The following FREM3 variants were observed in gnomAD, a reference collection of about 807,000 sequenced individuals.
FREM3 encodes FRAS1 related extracellular matrix 3, also known as FRAS1-related extracellular matrix protein 3.
Under a neutral mutation model 129.1 loss-of-function variants are expected in FREM3, and 105 were observed. That is an observed-to-expected ratio of 0.81 (90% CI 0.69 to 0.96). The LOEUF (loss-of-function observed/expected upper bound fraction) is 0.96. FREM3 is among the 40% of genes least tolerant of loss of function. FREM3 has a pLI of 0.00. For synonymous variants in FREM3, 1,014 were observed against 1,044.9 expected (o/e 0.97, Z 0.57); for missense variants, 2,593 against 2,666.3 (o/e 0.97, Z 0.61).
In FREM3 at chr4:143,700,340, C is replaced by T. The variant is rs1740673814; in HGVS notation, c.336G>A (p.Pro112=). 2 of 1,534,536 alleles carry T rather than the reference C, an allele frequency of 1.3e-6. No homozygotes were observed. Among genetic ancestry groups the T allele is most frequent in the South Asian group, 1.2e-5 (1 of 83,928 alleles). ...ALPRLKGALS[P]RRFPCTFGPR... ...GCCCGAAGGTGCAGGGGAAGCGGCG[C>T]GGGGAGAGCGCGCCCTTGAGCCGCG... Residue 112 remains proline, a synonymous_variant, in exon 1 of 8, where the codon CCG becomes CCA. Coordinates refer to ENST00000329798, the MANE Select transcript of FREM3 (RefSeq NM_001168235.2).
chr4:143,625,009 T>C (rs1052229202), intron 3 of FREM3, among the ~76,000 whole-genome samples: 2 of 152,178 alleles, frequency 1.3e-5, no homozygotes, highest in South Asian at 2.1e-4. Flanking sequence ...TTGGTGAAAA[T>C]GGAGAGAGGC....
At chr4:143,586,157 A>G (rs1348407090) in intron 6 of FREM3, among the ~76,000 whole-genome samples, 164 bp from the exon 7 acceptor site, 1 of 152,214 alleles carries the variant, frequency 6.6e-6, no homozygotes, top group Non-Finnish European at 1.5e-5. Flanking sequence ...ACAAAAACAC[A>G]CAAAAAGCCA....
At chr4:143,680,383 C>A (rs1042764809) in intron 2 of FREM3, among the ~76,000 whole-genome samples, 2 of 151,808 alleles carry the variant, frequency 1.3e-5, no homozygotes, top group Non-Finnish European at 2.9e-5. Context: ...GAACCTTTTC[C>A]AATATAAACA....
chr4:143,590,952 C>T (rs1395594854), intron 6 of FREM3, among the ~76,000 whole-genome samples: 5 of 152,128 alleles, frequency 3.3e-5, no homozygotes. Context: ...CAACTTCTTC[C>T]TGGTTTAGTC....
In FREM3 at chr4:143,677,498, C is replaced by T. The variant is rs555655252; in HGVS notation, c.5275+15615G>A. Among the ~76,000 whole-genome samples, 6 of 152,308 alleles carry T rather than the reference C, an allele frequency of 3.9e-5. No individual in the cohort carries two copies. In the East Asian group the frequency reaches 1.2e-3, roughly 29 times the overall value. On this transcript the variant is annotated intron_variant, in intron 2 of 7. Transcript: ENST00000329798. Reference sequence around the variant, plus strand: ...ATAGGCATGGGCAAGGACTTCATGTCTGAAACACCAAAAGCAATGGCAACA... The same window carrying T: ...ATAGGCATGGGCAAGGACTTCATGTTTGAAACACCAAAAGCAATGGCAACA...
chr4:143,663,244 G>A lies in FREM3; in HGVS notation c.5275+29869C>T, dbSNP rs566068961. On this transcript the variant is annotated intron_variant, in intron 2 of 7. Coordinates refer to ENST00000329798, the MANE Select transcript of FREM3 (RefSeq NM_001168235.2). ...TACCGGTTGTTCCTTTCCATGTTTA[G>A]TGCTTCCTTCAGGAGCTCTTTTAGG... Among the ~76,000 whole-genome samples the A allele has an allele frequency of 7.2e-5, 11 of 152,130 alleles. No homozygotes were observed. In the South Asian group the frequency reaches 2.3e-3, roughly 32 times the overall value.
chr4:143,646,410 C>G (rs1739416536), intron 2 of FREM3, among the ~76,000 whole-genome samples: 1 of 151,992 alleles, frequency 6.6e-6, no homozygotes, highest in Non-Finnish European at 1.5e-5. Context: ...TGATTTGGTT[C>G]TGTGTCCCCA....
chr4:143,679,865 GCTGATT>G (rs1327979876), intron 2 of FREM3, among the ~76,000 whole-genome samples: 3 of 152,148 alleles, frequency 2.0e-5, no homozygotes, highest in African/African-American at 7.2e-5. Flanking sequence ...AAATCCAATT[GCTGATT>G]CCTTCCTGCC....
chr4:143,650,497 C>T (rs997620807), intron 2 of FREM3, among the ~76,000 whole-genome samples: 1 of 152,172 alleles, frequency 6.6e-6, no homozygotes, highest in Non-Finnish European at 1.5e-5. Context: ...TACTTACTTA[C>T]TTACTTATTT....
intron 4 of FREM3, among the ~76,000 whole-genome samples, chr4:143,622,863 T>G (rs1432685544): frequency 6.6e-6 from 1 of 152,212 alleles, no homozygotes; most frequent in Non-Finnish European, 1.5e-5. Flanking sequence ...CTTCATTACT[T>G]GGGACCATGA....
intron 2 of FREM3, among the ~76,000 whole-genome samples, chr4:143,650,328 G>C (rs1739488635): frequency 6.6e-6 from 1 of 152,190 alleles, no homozygotes; most frequent in Admixed American, 6.5e-5. Context: ...GATATTAAAA[G>C]CCGGATGCTA....
At chr4:143,694,918 C>T (rs1486852103) in intron 1 of FREM3, among the ~76,000 whole-genome samples, 1 of 152,138 alleles carries the variant, frequency 6.6e-6, no homozygotes, top group African/African-American at 2.4e-5. Flanking sequence ...ATCACATCAC[C>T]TGGGAAAGTA....
rs918703825 is a variant in FREM3 at position 143,695,626 on chromosome 4, T to C, written c.5050A>G (p.Thr1684Ala). The C allele has an allele frequency of 2.0e-5, 30 of 1,537,190 alleles. No individual in the cohort carries two copies. Among genetic ancestry groups the C allele is most frequent in the Non-Finnish European group, 2.5e-5 (29 of 1,146,930 alleles). Reference sequence around the variant, plus strand: ...TCTTCTGCCTTCAGAGACTTGCTGGTAATCAGGAAGCCCATGTGTCCAGTG... The same window carrying C: ...TCTTCTGCCTTCAGAGACTTGCTGGCAATCAGGAAGCCCATGTGTCCAGTG... ...LHTGHMGFLI[T>A]SKSLKAEDQD... Residue 1684 changes from threonine to alanine, a missense_variant, in exon 1 of 8, where the codon ACC becomes GCC. Physicochemically the swap from Thr to Ala is moderately conservative, Grantham distance 58. This residue lies in a region of FREM3 where 2,276 missense variants were observed against 2,267.2 expected (regional missense o/e 1.00). Coordinates refer to ENST00000329798, the MANE Select transcript of FREM3 (RefSeq NM_001168235.2).
Position 143,676,784 on chromosome 4 carries a change from T to C in FREM3, c.5275+16329A>G, listed in dbSNP as rs185370607. Among the ~76,000 whole-genome samples the C allele has an allele frequency of 9.3e-3, 1,411 of 152,266 alleles. 19 individuals carry two copies. The highest frequency in any genetic ancestry group is 0.032 in the African/African-American group (1,318 of 41,552). Reference sequence around the variant, plus strand: ...GACCGCCAAATCATGAGTGAACTCCTATTCACAATTGCTTCAAAGAGAATA... The same window carrying C: ...GACCGCCAAATCATGAGTGAACTCCCATTCACAATTGCTTCAAAGAGAATA... On this transcript the variant is annotated intron_variant, in intron 2 of 7. Transcript: ENST00000329798.
intron 2 of FREM3, among the ~76,000 whole-genome samples, chr4:143,644,421 G>A (rs931642460): frequency 6.6e-6 from 1 of 151,974 alleles, no homozygotes; most frequent in African/African-American, 2.4e-5. Flanking sequence ...AAGCATCCAC[G>A]AAGAGATTTC....
chr4:143,578,971 C>T (rs970394605), intron 7 of FREM3, among the ~76,000 whole-genome samples: 4 of 150,702 alleles, frequency 2.7e-5, no homozygotes, highest in African/African-American at 9.8e-5. Context: ...TCAGTTTATG[C>T]TTGTTTTGTG....
In FREM3 at chr4:143,579,015, T is replaced by C. The variant is rs139464992; in HGVS notation, c.6179-1163A>G. 1.8e-3 allele frequency among the ~76,000 whole-genome samples: 277 copies of C among 152,046 alleles called. 2 individuals are homozygous for C. Among genetic ancestry groups the C allele is most frequent in the African/African-American group, 6.3e-3 (260 of 41,448 alleles). The stretch of plus-strand genomic sequence containing the variant: ...AGAGAATGTCTTTGAAGGAATTACA[T>C]TGTAAGTTTTTGGAGACATGGTTCC... On this transcript the variant is annotated intron_variant, in intron 7 of 7. Coordinates refer to ENST00000329798, the MANE Select transcript of FREM3 (RefSeq NM_001168235.2).
chr4:143,699,756 G>A lies in FREM3; in HGVS notation c.920C>T (p.Pro307Leu). ...CATCATCATCGTGGCCATGAAGCTG[G>A]GCCTGGGCGGTGTGTTCTCGGCTCC... ...RGGAENTPPR[P>L]SFMATMMMEV... Residue 307 changes from proline to leucine, a missense_variant, in exon 1 of 8, where the codon CCC (proline) becomes CTC (leucine). Transcript: ENST00000329798. This position sits in a 1 kb window ranked among gnomAD's most constrained non-coding sequence, Gnocchi z 4.2. 1 of 1,526,084 alleles carries A rather than the reference G, an allele frequency of 6.6e-7. No homozygotes were observed. Among genetic ancestry groups the A allele is most frequent in the Non-Finnish European group, 8.8e-7 (1 of 1,140,696 alleles). 94.5% of individuals were successfully genotyped at this position (1,526,084 alleles called of 1,614,324 possible). A position where few individuals can be genotyped will look rare whatever the true frequency, so the allele number is the denominator to read the frequency against.
intron 2 of FREM3, among the ~76,000 whole-genome samples, chr4:143,639,384 C>T (rs960600806): frequency 1.1e-4 from 17 of 152,188 alleles, no homozygotes; most frequent in Admixed American, 3.3e-4. Context: ...TTGGCAACAC[C>T]GCTAACTAAA....
Sources: gnomAD v4.1 joint callset for allele counts (sites outside exome capture counted in the v4.1 genomes callset) on GRCh38, gnomAD v4.1.1 for gene constraint, gnomAD v4.1.1 regional missense constraint, Gnocchi (gnomAD v3.1) non-coding constraint, MANE v1.5 for transcripts, NCBI Gene and HGNC (gene_info 2026-07-23, HGNC 2026-07-21) for gene names.